The following GALNT13 variants were observed in gnomAD, a reference collection of about 807,000 sequenced individuals.
GALNT13 encodes polypeptide N-acetylgalactosaminyltransferase 13.
In GALNT13, 28 loss-of-function variants were observed where a neutral mutation model predicts 64.2. That is an observed-to-expected ratio of 0.44 (90% confidence interval 0.32 to 0.60). The LOEUF (loss-of-function observed/expected upper bound fraction) is 0.60, where lower values mean the gene tolerates loss of function less well. GALNT13 is among the 20% of genes least tolerant of loss of function. The probability of loss-of-function intolerance (pLI) is 0.05; values close to 1 mark genes in which losing one functional copy is unlikely to be tolerated. For synonymous variants in GALNT13, 214 were observed against 224.6 expected (o/e 0.95, Z 0.42); for missense variants, 577 against 669.8 (o/e 0.86, Z 1.53).
At chr2:154,276,072 A>G (rs1691635135) in intron 8 of GALNT13, among the ~76,000 whole-genome samples, 1 of 151,966 alleles carries the variant, frequency 6.6e-6, no homozygotes, top group African/African-American at 2.4e-5. Flanking sequence ...CTGTACCCCC[A>G]TTGTATCTAG....
At chr2:153,074,892 C>G in the GALNT13 span, among the ~76,000 whole-genome samples, 1 of 151,958 alleles carries the variant, frequency 6.6e-6, no homozygotes, top group Admixed American at 6.6e-5. Flanking sequence ...GCCACTGTAC[C>G]CAGGTAATTT....
intron 10 of GALNT13, among the ~76,000 whole-genome samples, chr2:154,402,186 T>C (rs1699330832): frequency 6.6e-6 from 1 of 152,218 alleles, no homozygotes; most frequent in Admixed American, 6.5e-5. Flanking sequence ...AAGTTTAGAC[T>C]GTCTTATCTT....
the GALNT13 span, among the ~76,000 whole-genome samples, chr2:153,822,432 C>T: frequency 2.6e-5 from 4 of 151,976 alleles, no homozygotes; most frequent in African/African-American, 9.7e-5. Flanking sequence ...TCCACATATA[C>T]AAATAAACAA....
intron 10 of GALNT13, among the ~76,000 whole-genome samples, chr2:154,407,707 A>G (rs1187705084): frequency 1.3e-5 from 2 of 152,062 alleles, no homozygotes; most frequent in Non-Finnish European, 2.9e-5. Flanking sequence ...GAAAACACAT[A>G]TAACTCTGCT....
chr2:153,839,914 C>T, the GALNT13 span, among the ~76,000 whole-genome samples: 6 of 152,036 alleles, frequency 3.9e-5, no homozygotes, highest in Admixed American at 2.6e-4. Context: ...TAATGAAAAA[C>T]TGACTGTTTA....
the GALNT13 span, among the ~76,000 whole-genome samples, chr2:153,789,448 A>G: frequency 6.6e-6 from 1 of 152,274 alleles, no homozygotes; most frequent in East Asian, 1.9e-4. Context: ...AGGCAGTATT[A>G]CTAGGGAAAT....
chr2:154,167,367 T>C (rs920021926), intron 4 of GALNT13, among the ~76,000 whole-genome samples: 1 of 152,166 alleles, frequency 6.6e-6, no homozygotes, highest in African/African-American at 2.4e-5. Flanking sequence ...TATAGCACTT[T>C]TAAAATTGTA....
the GALNT13 span, among the ~76,000 whole-genome samples, chr2:153,245,801 G>A: frequency 1.3e-5 from 2 of 152,078 alleles, no homozygotes. Context: ...GAATGAGATT[G>A]ATGAATTGAC....
the GALNT13 span, among the ~76,000 whole-genome samples, chr2:153,796,942 C>T: frequency 6.6e-6 from 1 of 152,112 alleles, no homozygotes; most frequent in African/African-American, 2.4e-5. Context: ...TCTTCTCCCA[C>T]GTGTTTGATG....
intron 4 of GALNT13, among the ~76,000 whole-genome samples, chr2:154,159,990 A>T (rs911405937): frequency 6.6e-6 from 1 of 152,164 alleles, no homozygotes; most frequent in African/African-American, 2.4e-5. Flanking sequence ...CCATTTTATA[A>T]TTAAGGGAAC....
intron 11 of GALNT13, among the ~76,000 whole-genome samples, chr2:154,412,737 T>C (rs1231776113): frequency 2.6e-5 from 4 of 151,788 alleles, no homozygotes; most frequent in Non-Finnish European, 5.9e-5. Context: ...ATGAAAGTTT[T>C]TGTAGCAGGA....
At chr2:154,133,708 A>C (rs1372094565) in intron 3 of GALNT13, among the ~76,000 whole-genome samples, 1 of 151,482 alleles carries the variant, frequency 6.6e-6, no homozygotes, top group Non-Finnish European at 1.5e-5. Flanking sequence ...TCACTGATTG[A>C]ATGCACAGTG....
At chr2:154,265,649 A>G (rs1342423320) in intron 8 of GALNT13, among the ~76,000 whole-genome samples, 1 of 152,152 alleles carries the variant, frequency 6.6e-6, no homozygotes, top group Non-Finnish European at 1.5e-5. Flanking sequence ...CAGTGAGCCA[A>G]GACTGCACCA....
chr2:154,290,038 G>C (rs1692509607), intron 8 of GALNT13, among the ~76,000 whole-genome samples: 1 of 152,190 alleles, frequency 6.6e-6, no homozygotes, highest in East Asian at 1.9e-4. Context: ...GGTGATTTAA[G>C]AGCCATTCTC....
At chr2:154,355,852 C>T (rs1436889102) in intron 9 of GALNT13, among the ~76,000 whole-genome samples, 1 of 151,986 alleles carries the variant, frequency 6.6e-6, no homozygotes, top group Non-Finnish European at 1.5e-5. Flanking sequence ...TCATGTTTTT[C>T]TCTTGTACCA....
At chr2:153,251,126 TA>T in the GALNT13 span, among the ~76,000 whole-genome samples, 1 of 152,220 alleles carries the variant, frequency 6.6e-6, no homozygotes, top group African/African-American at 2.4e-5. Flanking sequence ...GCTTATTTAG[TA>T]TAAAAATTTT....
the GALNT13 span, among the ~76,000 whole-genome samples, chr2:153,856,258 C>T: frequency 1.1e-4 from 15 of 134,738 alleles, no homozygotes; most frequent in Admixed American, 4.5e-4. Flanking sequence ...TGATAGGTAG[C>T]TAGAAATACA....
chr2:153,080,917 A>C, the GALNT13 span, among the ~76,000 whole-genome samples: 2 of 151,912 alleles, frequency 1.3e-5, no homozygotes, highest in Non-Finnish European at 2.9e-5. Context: ...TTCCTTTTCA[A>C]ATATAAACAT....
chr2:154,236,492 A>T (rs1440059802), intron 4 of GALNT13, among the ~76,000 whole-genome samples: 1 of 152,100 alleles, frequency 6.6e-6, no homozygotes, highest in Non-Finnish European at 1.5e-5. Context: ...AGAGCCACAG[A>T]TATATTATCA....
Sources: allele counts gnomAD v4.1 joint callset (sites outside exome capture counted in the v4.1 genomes callset), GRCh38; gene constraint gnomAD v4.1.1; transcripts MANE v1.5; gene names NCBI Gene and HGNC (gene_info 2026-07-23, HGNC 2026-07-21).